Variants in COL14A1 observed in about 807,000 individuals in gnomAD.
COL14A1 encodes the protein collagen type XIV alpha 1 chain.
A neutral mutation model predicts 230.3 loss-of-function variants in COL14A1; 136 were observed. The observed-to-expected ratio is 0.59, with a 90% CI of 0.51 to 0.68. COL14A1 has a LOEUF of 0.68. COL14A1 is among the 30% of genes least tolerant of loss of function. COL14A1 has a pLI of 0.00. For synonymous variants in COL14A1, 792 were observed against 784.1 expected, an observed-to-expected ratio of 1.01 and a Z score of -0.17; for missense variants, 1,976 against 2,215.8, an observed-to-expected ratio of 0.89 and a Z score of 2.17.
intron 5 of COL14A1, among the ~76,000 whole-genome samples, chr8:120,175,404 T>C (rs778890908): frequency 2.0e-5 from 3 of 152,110 alleles, no homozygotes; most frequent in Non-Finnish European, 4.4e-5. Flanking sequence ...TCTTTTTCAG[T>C]GATTTTTAAA....
chr8:120,287,259 T>C (rs1820232506), intron 33 of COL14A1, among the ~76,000 whole-genome samples: 1 of 151,940 alleles, frequency 6.6e-6, no homozygotes, highest in South Asian at 2.1e-4. Flanking sequence ...TTAATAGGAC[T>C]GTACTACCAG....
intron 5 of COL14A1, among the ~76,000 whole-genome samples, chr8:120,172,342 G>T (rs912958278): frequency 2.6e-5 from 4 of 152,038 alleles, no homozygotes; most frequent in African/African-American, 9.7e-5. Flanking sequence ...GTAGACATGG[G>T]GTTTCACCAT....
Position 120,356,116 on chromosome 8 carries a change from T to C in COL14A1, c.5077+10553T>C, listed in dbSNP as rs369298811. On this transcript the variant is annotated intron_variant, in intron 45 of 47. Coordinates refer to ENST00000297848, the MANE Select transcript of COL14A1 (RefSeq NM_021110.4). ...TGGAAGATGGTAAATGCTAAGTGAG[T>C]TATATAGAATATAAATGGTTTCAGA... Among the ~76,000 whole-genome samples the C allele has an allele frequency of 1.8e-4, 27 of 152,146 alleles. No homozygotes were observed. In the South Asian group the frequency reaches 5.4e-3, roughly 30 times the overall value.
intron 1 of COL14A1, among the ~76,000 whole-genome samples, chr8:120,129,880 T>C (rs1470504019): frequency 1.3e-5 from 2 of 152,250 alleles, no homozygotes; most frequent in African/African-American, 4.8e-5. Context: ...ATTGCCTATG[T>C]GTGTTGAACT....
At chr8:120,193,938 C>T (rs1327295546) in intron 5 of COL14A1, among the ~76,000 whole-genome samples, 1 of 152,154 alleles carries the variant, frequency 6.6e-6, no homozygotes, top group African/African-American at 2.4e-5. Flanking sequence ...CCCGGTTTTC[C>T]AGGTGCCATC....
intron 36 of COL14A1, among the ~76,000 whole-genome samples, chr8:120,306,448 A>T (rs145365957): frequency 2.0e-5 from 3 of 152,342 alleles, no homozygotes; most frequent in African/African-American, 7.2e-5. Flanking sequence ...TTCTAAATAA[A>T]GCGTAATAAA....
chr8:120,325,170 C>T (rs562911061), intron 40 of COL14A1, among the ~76,000 whole-genome samples: 2 of 152,074 alleles, frequency 1.3e-5, no homozygotes, highest in Non-Finnish European at 2.9e-5. Flanking sequence ...CATAGCCAAC[C>T]ATAACTTAAT....
rs1490270520 is a variant in COL14A1 at position 120,373,169 on chromosome 8, C to A, written c.*1938C>A. Among the ~76,000 whole-genome samples the A allele has an allele frequency of 6.6e-6, 1 of 152,092 alleles. No individual in the cohort carries two copies. Among genetic ancestry groups the A allele is most frequent in the Non-Finnish European group, 1.5e-5 (1 of 68,022 alleles). On this transcript the variant is annotated 3_prime_UTR_variant, in exon 48 of 48. Transcript: ENST00000297848. The stretch of plus-strand genomic sequence containing the variant: ...TGGCCCTTGGAAACAAAGTTAAATA[C>A]CATGTCACTCAGAAGACTCTCAAAG...
chr8:120,185,573 G>A (rs1034069009), intron 5 of COL14A1, among the ~76,000 whole-genome samples: 9 of 151,970 alleles, frequency 5.9e-5, no homozygotes, highest in Non-Finnish European at 1.0e-4. Context: ...AGGCTGAGGC[G>A]GGATCACTTG....
At chr8:120,337,873 C>A (rs1166962916) in intron 42 of COL14A1, among the ~76,000 whole-genome samples, 2 of 152,140 alleles carry the variant, frequency 1.3e-5, no homozygotes, top group Non-Finnish European at 2.9e-5. Context: ...AAAATAATTT[C>A]TTGCCATAGA....
intron 26 of COL14A1, 69 bp from the exon 27 acceptor site, chr8:120,278,042 T>C: frequency 1.5e-6 from 2 of 1,345,000 alleles, no homozygotes; most frequent in Non-Finnish European, 2.0e-6. Context: ...CAGGTGACAC[T>C]GTGCTGTTGC....
chr8:120,331,666 C>T (rs1325841156), intron 40 of COL14A1, among the ~76,000 whole-genome samples: 1 of 152,160 alleles, frequency 6.6e-6, no homozygotes, highest in Non-Finnish European at 1.5e-5. Context: ...CATTGCCACA[C>T]GAAATCCTCC....
chr8:120,238,443 C>T (rs60791395), intron 19 of COL14A1, among the ~76,000 whole-genome samples: 71,167 of 151,920 alleles, frequency 0.47, 17,472 homozygotes, highest in African/African-American at 0.61. Flanking sequence ...TTACTAATGG[C>T]GGACACCCCT....
intron 45 of COL14A1, among the ~76,000 whole-genome samples, chr8:120,345,906 C>T (rs746486668): frequency 5.3e-5 from 8 of 152,102 alleles, no homozygotes; most frequent in Non-Finnish European, 1.0e-4. Flanking sequence ...AAAATGATGC[C>T]GCCCTCTGAC....
chr8:120,274,566 A>G (rs1363463409), intron 26 of COL14A1, among the ~76,000 whole-genome samples: 1 of 151,792 alleles, frequency 6.6e-6, no homozygotes, highest in Non-Finnish European at 1.5e-5. Context: ...ATGATCATAT[A>G]CCTAGAGAAC....
In COL14A1 at chr8:120,304,979, C is replaced by CT. The variant is rs1203765080; in HGVS notation, c.4401+4177dup. ...AGCAATCTCTGTACAACTGTGAAAA[C>CT]TTTTTTTTTTTTTTTTGAGACGGAG... On this transcript the variant is annotated intron_variant, in intron 36 of 47. Transcript: ENST00000297848. Among the ~76,000 whole-genome samples the CT allele has an allele frequency of 3.1e-3, 435 of 140,988 alleles. 3 individuals are homozygous for CT. The highest frequency in any genetic ancestry group is 0.022 in the Middle Eastern group (6 of 272). 92.5% of individuals were successfully genotyped at this position (140,988 alleles called of 152,430 possible).
intron 1 of COL14A1, among the ~76,000 whole-genome samples, chr8:120,131,838 CTTTTTTTTTTTTTTTT>C (rs1172286717): frequency 2.9e-5 from 2 of 68,950 alleles, no homozygotes; most frequent in East Asian, 5.1e-4. Flanking sequence ...TTCTTCCTTT[CTTTTTTTTTTTTTTTT>C]TTTTTTTTTT....
intron 40 of COL14A1, among the ~76,000 whole-genome samples, chr8:120,323,643 A>G (rs1041800462): frequency 2.0e-5 from 3 of 152,220 alleles, no homozygotes; most frequent in African/African-American, 4.8e-5. Flanking sequence ...ATTGCTAGCC[A>G]GTTAACCCAG....
chr8:120,189,111 T>A (rs565481483), intron 5 of COL14A1, among the ~76,000 whole-genome samples: 56 of 152,334 alleles, frequency 3.7e-4, no homozygotes, highest in African/African-American at 1.3e-3. Flanking sequence ...ACAGCTGGAA[T>A]TATGGTTAAG....
Sources: gnomAD v4.1 joint callset for allele counts (sites outside exome capture counted in the v4.1 genomes callset) on GRCh38, gnomAD v4.1.1 for gene constraint, MANE v1.5 for transcripts, NCBI Gene and HGNC (gene_info 2026-07-23, HGNC 2026-07-21) for gene names.